EMC2: variants seen among roughly 807,000 people sequenced by gnomAD.
The protein encoded by EMC2 is TPR repeat protein 35.
EMC2 carries 37 observed loss-of-function variants against 51.6 expected under a neutral mutation model. The ratio of observed to expected loss-of-function variants is 0.72; its 90% CI spans 0.55 to 0.94. The LOEUF is 0.94. Among genes scored for constraint, EMC2 ranks in the 40% least tolerant of loss-of-function variants. EMC2 has a pLI of 0.00. For missense variants in EMC2, 359 were observed against 350.9 expected, an observed-to-expected ratio of 1.02 and a Z score of -0.18; for synonymous variants, 131 against 112.4, an observed-to-expected ratio of 1.17 and a Z score of -1.04.
intron 1 of EMC2, chr8:108,446,311 A>T (rs1818877103): frequency 4.7e-6 from 2 of 427,430 alleles, no homozygotes; most frequent in African/African-American, 4.1e-5. Context: ...GGTAGGAATC[A>T]TTGGGTATCT....
chr8:108,469,807 T>A lies in EMC2; in HGVS notation c.364-19T>A. On this transcript the variant is annotated intron_variant, in intron 5 of 10. Transcript: ENST00000220853. ...AAGGAATCATAAGGGCCTAATCCTTTATTAATGTCAACCCACAGGCTGCAA... is the reference window on the plus strand; with the variant it reads ...AAGGAATCATAAGGGCCTAATCCTTAATTAATGTCAACCCACAGGCTGCAA... 6.2e-7 allele frequency: 1 copy of A among 1,608,638 alleles called. No homozygotes were observed.
At chr8:108,454,454 A>G (rs1050442159) in intron 4 of EMC2, among the ~76,000 whole-genome samples, 12 of 152,086 alleles carry the variant, frequency 7.9e-5, no homozygotes, top group African/African-American at 2.9e-4. Flanking sequence ...AAGTAACACT[A>G]TACTGATTCA....
At chr8:108,452,169 G>C (rs976645340) in intron 3 of EMC2, among the ~76,000 whole-genome samples, 1 of 152,146 alleles carries the variant, frequency 6.6e-6, no homozygotes, top group African/African-American at 2.4e-5. Context: ...TATTTATTTA[G>C]TCAAGTTGAT....
intron 5 of EMC2, among the ~76,000 whole-genome samples, chr8:108,460,203 T>A (rs1563694886): frequency 6.6e-6 from 1 of 152,238 alleles, no homozygotes; most frequent in Non-Finnish European, 1.5e-5. Context: ...ATTTTGGAAT[T>A]AGGAGTACAA....
chr8:108,444,193 C>T (rs1818821676), intron 1 of EMC2, among the ~76,000 whole-genome samples: 1 of 152,160 alleles, frequency 6.6e-6, no homozygotes, highest in African/African-American at 2.4e-5. Context: ...ATTTAGTTTT[C>T]TTCTTAAACC....
intron 10 of EMC2, among the ~76,000 whole-genome samples, chr8:108,484,242 G>C (rs1811095916): frequency 6.6e-6 from 1 of 151,896 alleles, no homozygotes; most frequent in African/African-American, 2.4e-5. Flanking sequence ...TATCCTTTTG[G>C]GAAACAGAAA....
intron 10 of EMC2, among the ~76,000 whole-genome samples, chr8:108,479,474 A>G (rs888820226): frequency 2.0e-5 from 3 of 152,140 alleles, no homozygotes; most frequent in Non-Finnish European, 4.4e-5. Flanking sequence ...AAGAAATAGA[A>G]AAGAAGGAAG....
chr8:108,470,192 T>C, intron 7 of EMC2, 71 bp downstream of exon 7: 1 of 1,019,532 alleles, frequency 9.8e-7, no homozygotes, highest in Non-Finnish European at 1.5e-6. Flanking sequence ...AGCACTGTGG[T>C]TTCCAAAGGA....
intron 5 of EMC2, among the ~76,000 whole-genome samples, chr8:108,456,332 C>CAAAAAAAAAAAAAAAA (rs869162246): frequency 3.4e-4 from 8 of 23,606 alleles, no homozygotes; most frequent in African/African-American, 1.3e-3. Context: ...GACTTCGTGT[C>CAAAAAAAAAAAAAAAA]AAAAAAAAAA....
rs1246484287 is a variant in EMC2, at chr8:108,470,088, A to G, written c.476A>G (p.His159Arg). Residue 159 changes from histidine to arginine, a missense_variant, in exon 7 of 11, where the codon CAT becomes CGT. By Grantham distance (29) the His-to-Arg change is conservative. Coordinates refer to ENST00000220853, the MANE Select transcript of EMC2 (RefSeq NM_014673.5). ...EQFVGDQEAW[H>R]ELAELYINEH... ...TTTGTTGGAGACCAAGAAGCCTGGC[A>G]TGAACTTGCAGAACTTTACATCAAT... 1 of 1,613,174 alleles carries G rather than the reference A, an allele frequency of 6.2e-7. No homozygotes were observed. Among genetic ancestry groups the G allele is most frequent in the Non-Finnish European group, 8.5e-7 (1 of 1,179,498 alleles).
intron 5 of EMC2, among the ~76,000 whole-genome samples, chr8:108,467,454 T>C (rs1318795154): frequency 6.6e-6 from 1 of 152,172 alleles, no homozygotes; most frequent in East Asian, 1.9e-4. Flanking sequence ...GTTCAGTTGA[T>C]TCTCCTGCCT....
At position 108,443,840 on chromosome 8, in the gene EMC2, G is replaced by A. The variant is rs1586170700; in HGVS notation, c.40+142G>A. The A allele has an allele frequency of 4.3e-6, 3 of 695,744 alleles. No homozygotes were observed. The African/African-American group carries it at 5.4e-5, about 12-fold the overall frequency. The allele number at this position is 695,744 out of a possible 1,614,324, so 43.1% of individuals were successfully genotyped here. A position where few individuals can be genotyped will look rare whatever the true frequency, so the allele number is the denominator to read the frequency against. On this transcript the variant is annotated intron_variant, in intron 1 of 10. Transcript: ENST00000220853. ...ACTGTACGGGCCAAGCTGAGGTGGA[G>A]GCTGAGGCTGACCCTTCCCTTGGCC...
intron 7 of EMC2, chr8:108,475,539 A>G (rs2130400318): frequency 5.9e-6 from 1 of 169,752 alleles, no homozygotes; most frequent in East Asian, 1.6e-4. Context: ...GTCAACTTCC[A>G]GAAGTTGTTT....
At chr8:108,446,568 CAG>C (rs1818882451) in intron 1 of EMC2, among the ~76,000 whole-genome samples, 1 of 151,956 alleles carries the variant, frequency 6.6e-6, no homozygotes, top group Non-Finnish European at 1.5e-5. Context: ...GAGTCAGAAA[CAG>C]CACTAAAAAA....
chr8:108,447,846 G>C (rs1350382207), intron 1 of EMC2, among the ~76,000 whole-genome samples: 2 of 152,118 alleles, frequency 1.3e-5, no homozygotes, highest in Non-Finnish European at 2.9e-5. Flanking sequence ...AGGGTAAAAT[G>C]AAAGTTTTAA....
At chr8:108,485,961 T>C (rs1488107050) in intron 10 of EMC2, among the ~76,000 whole-genome samples, 1 of 151,854 alleles carries the variant, frequency 6.6e-6, no homozygotes, top group African/African-American at 2.4e-5. Context: ...TGACAGCTCT[T>C]TGCAGAACCA....
intron 7 of EMC2, 86 bp from the exon 8 acceptor site, chr8:108,475,796 A>T: frequency 1.4e-6 from 1 of 702,538 alleles, no homozygotes; most frequent in South Asian, 1.7e-5. Context: ...AACATGACTA[A>T]AGTTGTTTTT....
chr8:108,459,635 A>G (rs1219991744), intron 5 of EMC2, among the ~76,000 whole-genome samples: 1 of 151,926 alleles, frequency 6.6e-6, no homozygotes, highest in Non-Finnish European at 1.5e-5. Context: ...GGTTCTTCCC[A>G]TGATGCAAGG....
At chr8:108,467,248 G>A (rs1017737033) in intron 5 of EMC2, among the ~76,000 whole-genome samples, 9 of 152,012 alleles carry the variant, frequency 5.9e-5, no homozygotes, top group Admixed American at 4.6e-4. Flanking sequence ...TTTTGAACCA[G>A]TGTTTTTGTT....
Sources: gnomAD v4.1 joint callset for allele counts (sites outside exome capture counted in the v4.1 genomes callset) on GRCh38, gnomAD v4.1.1 for gene constraint, MANE v1.5 for transcripts, NCBI Gene and HGNC (gene_info 2026-07-23, HGNC 2026-07-21) for gene names.